NME7: variants seen among roughly 807,000 people sequenced by gnomAD.
The protein encoded by NME7 is nucleoside diphosphate kinase 7.
In NME7, 41 loss-of-function variants were observed where a neutral mutation model predicts 49.1. The ratio of observed to expected loss-of-function variants is 0.83; its 90% CI spans 0.65 to 1.08. NME7 has a LOEUF of 1.08. NME7 is among the 50% of genes least tolerant of loss of function. The probability of loss-of-function intolerance (pLI) is 0.00; values close to 1 mark genes in which losing one functional copy is unlikely to be tolerated. For missense variants in NME7, 423 were observed against 463.4 expected, an observed-to-expected ratio of 0.91 and a Z score of 0.80; for synonymous variants, 139 against 150.6, an observed-to-expected ratio of 0.92 and a Z score of 0.56.
chr1:169,182,458 C>G (rs188728976), intron 10 of NME7, among the ~76,000 whole-genome samples: 145 of 152,266 alleles, frequency 9.5e-4, no homozygotes, highest in Middle Eastern at 6.8e-3. Context: ...TGGGAGTCAT[C>G]CTAAGACTCC....
chr1:169,323,130 T>G lies in NME7; in HGVS notation c.265A>C (p.Ser89Arg). The G allele has an allele frequency of 1.3e-6, 2 of 1,564,100 alleles. No homozygotes were observed. Among genetic ancestry groups the G allele is most frequent in the Non-Finnish European group, 1.7e-6 (2 of 1,160,178 alleles). ...GDQYTARQLGSRKEKTLALIK... is the reference protein window; with the variant it reads ...GDQYTARQLGRRKEKTLALIK... The stretch of plus-strand genomic sequence containing the variant: ...TTGTTTTCTTACTTTTCTTTCCTAC[T>G]GCCCAGCTGGCGAGCTGTATATTGA... Residue 89 changes from serine (S) to arginine (R), a missense_variant, in exon 3 of 12, where the codon AGT (serine) becomes CGT (arginine). By Grantham distance (110) the Ser-to-Arg change is moderately radical. Transcript: ENST00000367811.
rs969554036 is a variant in NME7, at chr1:169,286,986, A to G, written c.754+317T>C. On this transcript the variant is annotated intron_variant, in intron 7 of 11. Coordinates refer to ENST00000367811, the MANE Select transcript of NME7 (RefSeq NM_013330.5). ...AAAAAAAAAAGTGCTATTGAAGTAA[A>G]TTAAGTGAATCACAATTTGTGATTA... 4.5e-4 allele frequency: 104 copies of G among 229,330 alleles called. 1 individual carries two copies. Among genetic ancestry groups the G allele is most frequent in the African/African-American group, 2.2e-3 (96 of 43,530 alleles). The allele number at this position is 229,330 out of a possible 1,614,324, so 14.2% of individuals were successfully genotyped here.
intron 10 of NME7, among the ~76,000 whole-genome samples, chr1:169,210,821 C>T (rs932915224): frequency 2.0e-5 from 3 of 152,168 alleles, no homozygotes; most frequent in East Asian, 1.9e-4. Flanking sequence ...TATCAGCTAC[C>T]CTGCCCCAGT....
intron 11 of NME7, chr1:169,169,134 G>A: frequency 2.3e-6 from 1 of 440,308 alleles, no homozygotes. Flanking sequence ...TTTCAAAGTT[G>A]CAGTCCAAAA....
At chr1:169,353,641 A>G (rs1236893124) in intron 1 of NME7, among the ~76,000 whole-genome samples, 1 of 152,132 alleles carries the variant, frequency 6.6e-6, no homozygotes, top group African/African-American at 2.4e-5. Context: ...AATATTTGCA[A>G]ACTAACCATC....
In NME7 at chr1:169,298,666, T is replaced by C. The variant is rs760966934; in HGVS notation, c.538A>G (p.Asn180Asp). The change falls in exon 6 of 12, where the codon AAC becomes GAC. Residue 180 changes from asparagine to aspartate, a missense_variant. Transcript: ENST00000367811. ...GCATCTGTGCGTGCCACTCCAGAGT[T>C]TGCAGGTCCCAGCAGTCTTTTCCAT... The part of the protein sequence containing the change: ...CEWKRLLGPA[N>D]SGVARTDASE... 3.0e-5 allele frequency: 48 copies of C among 1,613,818 alleles called. No individual in the cohort carries two copies. The highest frequency in any genetic ancestry group is 8.8e-5 in the South Asian group (8 of 91,086).
intron 10 of NME7, among the ~76,000 whole-genome samples, chr1:169,226,918 A>C (rs1647365540): frequency 6.6e-6 from 1 of 152,150 alleles, no homozygotes; most frequent in South Asian, 2.1e-4. Flanking sequence ...AAAAAAACAC[A>C]GTAGAGTAAT....
At position 169,318,219 on chromosome 1, in the gene NME7, C is replaced by A. The variant is rs534547749; in HGVS notation, c.278+4898G>T. 4.6e-5 allele frequency among the ~76,000 whole-genome samples: 7 copies of A among 152,304 alleles called. No homozygotes were observed. The South Asian group carries it at 1.2e-3, about 27-fold the overall frequency. On this transcript the variant is annotated intron_variant, in intron 3 of 11. Transcript: ENST00000367811. ...GAGGAAATAGGAATAGAAAGAAAGC[C>A]TCAACCATTCTCAAACACGCTTTCA...
chr1:169,153,273 A>T (rs1006010227), intron 11 of NME7, among the ~76,000 whole-genome samples: 6 of 152,314 alleles, frequency 3.9e-5, no homozygotes, highest in African/African-American at 1.4e-4. Context: ...TTAGTAAATT[A>T]AAGTTATTAT....
chr1:169,137,853 ATTG>A (rs1204480609), intron 11 of NME7, among the ~76,000 whole-genome samples: 2 of 152,190 alleles, frequency 1.3e-5, no homozygotes, highest in Non-Finnish European at 2.9e-5. Flanking sequence ...ATCCTTGCCT[ATTG>A]TTGTAGCTAT....
intron 1 of NME7, among the ~76,000 whole-genome samples, chr1:169,352,751 T>G (rs928739517): frequency 1.3e-5 from 2 of 152,106 alleles, no homozygotes; most frequent in African/African-American, 4.8e-5. Context: ...TCAGTAGCAT[T>G]TCTATATGCC....
At chr1:169,361,827 T>C (rs1653669250) in intron 1 of NME7, among the ~76,000 whole-genome samples, 1 of 151,294 alleles carries the variant, frequency 6.6e-6, no homozygotes, top group African/African-American at 2.4e-5. Flanking sequence ...GAAAAGCTAT[T>C]AGGAGAAACG....
At chr1:169,350,475 T>A (rs1489658976) in intron 1 of NME7, among the ~76,000 whole-genome samples, 3 of 151,998 alleles carry the variant, frequency 2.0e-5, no homozygotes, top group Admixed American at 2.0e-4. Context: ...AGAGGGGATC[T>A]TGAAGAAAGC....
intron 6 of NME7, 113 bp from the exon 7 acceptor site, chr1:169,287,521 AT>A: frequency 2.5e-6 from 2 of 809,340 alleles, no homozygotes; most frequent in Non-Finnish European, 1.9e-6. Flanking sequence ...CATCATATAA[AT>A]TTTTTGTTTC....
chr1:169,279,446 T>C (rs1025745888), intron 7 of NME7, among the ~76,000 whole-genome samples: 5 of 152,206 alleles, frequency 3.3e-5, no homozygotes, highest in Non-Finnish European at 7.3e-5. Context: ...CTCACACTGC[T>C]GTGCTAGCAA....
intron 1 of NME7, among the ~76,000 whole-genome samples, chr1:169,354,353 GAGAT>G (rs1653300276): frequency 6.6e-6 from 1 of 151,978 alleles, no homozygotes; most frequent in Non-Finnish European, 1.5e-5. Flanking sequence ...TGAACTCATG[GAGAT>G]AGAGAGTAGA....
intron 11 of NME7, among the ~76,000 whole-genome samples, chr1:169,144,521 T>C (rs1216113420): frequency 6.6e-6 from 1 of 152,204 alleles, no homozygotes; most frequent in Non-Finnish European, 1.5e-5. Flanking sequence ...TCCTAGCATT[T>C]ACTTCCTGAT....
intron 1 of NME7, among the ~76,000 whole-genome samples, chr1:169,334,803 T>C (rs931558912): frequency 6.6e-6 from 1 of 152,260 alleles, no homozygotes. Context: ...GAGAAAATTT[T>C]TGCAATCTAC....
At position 169,355,070 on chromosome 1, in the gene NME7, TAG is replaced by T. The variant is rs1457562998; in HGVS notation, c.3+12636_3+12637del. On this transcript the variant is annotated intron_variant, in intron 1 of 11. Coordinates refer to ENST00000367811, the MANE Select transcript of NME7 (RefSeq NM_013330.5). ...ATAATATATAATATACTATATATTA[TAG>T]ATATAATATATAATATACTATATAT... Among the ~76,000 whole-genome samples the T allele has an allele frequency of 8.4e-4, 57 of 67,880 alleles. 1 individual carries two copies. Among genetic ancestry groups the T allele is most frequent in the African/African-American group, 2.8e-3 (48 of 17,078 alleles). The allele number at this position is 67,880 out of a possible 152,430, so 44.5% of individuals were successfully genotyped here.
Sources: allele counts gnomAD v4.1 joint callset (sites outside exome capture counted in the v4.1 genomes callset), GRCh38; gene constraint gnomAD v4.1.1; transcripts MANE v1.5; gene names NCBI Gene and HGNC (gene_info 2026-07-23, HGNC 2026-07-21).